The following ZDHHC14 variants were observed in gnomAD, a reference collection of about 807,000 sequenced individuals.
The protein encoded by ZDHHC14 is zDHHC palmitoyltransferase 14, also known as palmitoyltransferase ZDHHC14.
A neutral mutation model predicts 47.7 loss-of-function variants in ZDHHC14; 16 were observed. The ratio of observed to expected loss-of-function variants is 0.34; its 90% CI spans 0.23 to 0.51. The LOEUF (loss-of-function observed/expected upper bound fraction) is 0.51. Ranked by LOEUF, ZDHHC14 falls within the 20% of genes least tolerant of loss-of-function variation. ZDHHC14 has a pLI of 0.97. For missense variants in ZDHHC14, 515 were observed against 662.5 expected, an observed-to-expected ratio of 0.78 and a Z score of 2.44; for synonymous variants, 293 against 278.9, an observed-to-expected ratio of 1.05 and a Z score of -0.50.
chr6:157,562,695 G>A (rs577474935), intron 2 of ZDHHC14, among the ~76,000 whole-genome samples: 1 of 152,322 alleles, frequency 6.6e-6, no homozygotes, highest in African/African-American at 2.4e-5. Context: ...TTGGAGACAG[G>A]ACCTGGGAAT....
chr6:157,477,853 G>A (rs775024231), intron 1 of ZDHHC14, among the ~76,000 whole-genome samples: 3 of 152,152 alleles, frequency 2.0e-5, no homozygotes, highest in South Asian at 2.1e-4. Flanking sequence ...GAACAGGAAC[G>A]TAGAAAGGTT....
At chr6:157,629,479 A>G (rs1181060237) in intron 4 of ZDHHC14, 1 of 151,372 alleles carries the variant, frequency 6.6e-6, no homozygotes, top group African/African-American at 2.4e-5. Context: ...GCTCAGGCTC[A>G]CGTTAGGAGT....
intron 2 of ZDHHC14, among the ~76,000 whole-genome samples, chr6:157,564,583 A>G (rs1046334938): frequency 6.6e-5 from 10 of 152,242 alleles, no homozygotes; most frequent in Non-Finnish European, 5.9e-5. Flanking sequence ...AAATAATACA[A>G]AGATAAATGA....
intron 1 of ZDHHC14, among the ~76,000 whole-genome samples, chr6:157,488,864 G>A (rs375286549): frequency 1.3e-5 from 2 of 152,342 alleles, no homozygotes; most frequent in African/African-American, 4.8e-5. Flanking sequence ...TCTGAGCCGC[G>A]GTGTGGAGGT....
At position 157,599,382 on chromosome 6, in the gene ZDHHC14, G is replaced by A. The variant is rs528230624; in HGVS notation, c.565+6236G>A. ...CTGAGTTCCCTCTGCTGCAGCTCTC[G>A]ACGAAACTCTGACTGTCTTCAAAGA... On this transcript the variant is annotated intron_variant, in intron 3 of 8. Coordinates refer to ENST00000359775, the MANE Select transcript of ZDHHC14 (RefSeq NM_024630.3). Among the ~76,000 whole-genome samples the A allele has an allele frequency of 2.6e-4, 39 of 152,302 alleles. No homozygotes were observed. In the South Asian group the frequency reaches 6.6e-3, roughly 26 times the overall value.
chr6:157,394,583 C>T (rs1777485312), intron 1 of ZDHHC14, among the ~76,000 whole-genome samples: 1 of 152,198 alleles, frequency 6.6e-6, no homozygotes, highest in South Asian at 2.1e-4. Flanking sequence ...AGTAAATGAA[C>T]CTTCACGTGC....
At chr6:157,522,723 C>G (rs1030387529) in intron 1 of ZDHHC14, among the ~76,000 whole-genome samples, 2 of 130,656 alleles carry the variant, frequency 1.5e-5, no homozygotes, top group African/African-American at 6.0e-5. Context: ...CCTTTCATTT[C>G]CTTTCTCTCC....
At chr6:157,550,473 G>A (rs1427167128) in intron 2 of ZDHHC14, among the ~76,000 whole-genome samples, 4 of 151,280 alleles carry the variant, frequency 2.6e-5, no homozygotes, top group African/African-American at 9.8e-5. Context: ...AGGCACTCTA[G>A]AGAGACCACA....
chr6:157,649,480 GC>G (rs1293770055), intron 7 of ZDHHC14, among the ~76,000 whole-genome samples: 1 of 152,150 alleles, frequency 6.6e-6, no homozygotes, highest in Non-Finnish European at 1.5e-5. Context: ...CTCTTGCCTT[GC>G]CCTTCCGCTG....
At chr6:157,566,863 T>C (rs952944568) in intron 2 of ZDHHC14, among the ~76,000 whole-genome samples, 170 of 151,722 alleles carry the variant, frequency 1.1e-3, no homozygotes, top group African/African-American at 4.0e-3. Context: ...TTTTTTTTTT[T>C]TTTTTGAGTC....
At chr6:157,417,570 A>G (rs1286093646) in intron 1 of ZDHHC14, among the ~76,000 whole-genome samples, 1 of 152,218 alleles carries the variant, frequency 6.6e-6, no homozygotes, top group Non-Finnish European at 1.5e-5. Flanking sequence ...TTGGACATAG[A>G]GTTTGGCACA....
intron 1 of ZDHHC14, among the ~76,000 whole-genome samples, chr6:157,471,274 G>T (rs1779348911): frequency 6.6e-6 from 1 of 152,214 alleles, no homozygotes; most frequent in South Asian, 2.1e-4. Flanking sequence ...GGCAGGAGGG[G>T]CTCAAAGATG....
chr6:157,577,854 A>G (rs1263380849), intron 2 of ZDHHC14, among the ~76,000 whole-genome samples: 1 of 152,186 alleles, frequency 6.6e-6, no homozygotes, highest in East Asian at 1.9e-4. Flanking sequence ...GCCAGCCTGC[A>G]TCTGTTATTT....
intron 2 of ZDHHC14, among the ~76,000 whole-genome samples, chr6:157,587,033 A>C (rs1783723731): frequency 1.3e-5 from 2 of 152,244 alleles, no homozygotes; most frequent in South Asian, 4.1e-4. Context: ...CTATTTAAAT[A>C]GTTGTAGTGT....
chr6:157,491,800 G>C (rs1779923723), intron 1 of ZDHHC14, among the ~76,000 whole-genome samples: 1 of 152,208 alleles, frequency 6.6e-6, no homozygotes, highest in African/African-American at 2.4e-5. Context: ...GCAGGTAAAA[G>C]CTTTGGAATG....
intron 2 of ZDHHC14, among the ~76,000 whole-genome samples, chr6:157,580,918 C>T (rs375599108): frequency 1.3e-5 from 2 of 151,146 alleles, no homozygotes; most frequent in South Asian, 4.2e-4. Context: ...TTTCTTAATT[C>T]CCTTCAGTTC....
chr6:157,386,331 A>AC (rs557179539), intron 1 of ZDHHC14, among the ~76,000 whole-genome samples: 15 of 152,178 alleles, frequency 9.9e-5, no homozygotes, highest in Non-Finnish European at 1.9e-4. Flanking sequence ...ACATAGTGAG[A>AC]CCCCATCTCT....
intron 1 of ZDHHC14, among the ~76,000 whole-genome samples, chr6:157,499,774 T>C (rs1464761863): frequency 6.6e-6 from 1 of 152,240 alleles, no homozygotes; most frequent in Non-Finnish European, 1.5e-5. Context: ...GTCTAAAATA[T>C]TTCACTTGAA....
chr6:157,383,823 A>T (rs1398613572), intron 1 of ZDHHC14, among the ~76,000 whole-genome samples: 1 of 152,224 alleles, frequency 6.6e-6, no homozygotes, highest in African/African-American at 2.4e-5. Context: ...GTGAACAGGC[A>T]TTCAGAGTGG....
Sources: gnomAD v4.1 joint callset for allele counts (sites outside exome capture counted in the v4.1 genomes callset) on GRCh38, gnomAD v4.1.1 for gene constraint, MANE v1.5 for transcripts, NCBI Gene and HGNC (gene_info 2026-07-23, HGNC 2026-07-21) for gene names.